The following DIABLO variants were observed in gnomAD, a reference collection of about 807,000 sequenced individuals.
DIABLO encodes the protein diablo IAP-binding mitochondrial protein, also known as diablo homolog, mitochondrial.
In DIABLO, 32 loss-of-function variants were observed where a neutral mutation model predicts 31.7. That is an observed-to-expected ratio of 1.01 (90% CI 0.76 to 1.35). The LOEUF is 1.35. DIABLO is among the 40% of genes most tolerant of loss of function. The pLI is 0.00. For missense variants in DIABLO, 316 were observed against 286.4 expected, an observed-to-expected ratio of 1.10 and a Z score of -0.75; for synonymous variants, 132 against 103.2, an observed-to-expected ratio of 1.28 and a Z score of -1.69.
chr12:122,219,712 A>T (rs1317488004), intron 2 of DIABLO, among the ~76,000 whole-genome samples: 1 of 151,594 alleles, frequency 6.6e-6, no homozygotes, highest in Non-Finnish European at 1.5e-5. Flanking sequence ...AAAAAAAAAA[A>T]ATTAGCTGGG....
intron 2 of DIABLO, chr12:122,222,608 C>T (rs564797689): frequency 6.6e-6 from 1 of 151,274 alleles, no homozygotes; most frequent in Admixed American, 6.6e-5. Flanking sequence ...GAATCTAGAG[C>T]AGTGGTCCCC....
At chr12:122,226,067 A>G (rs1399563252), upstream of DIABLO, 4 of 1,571,574 alleles carry the variant, frequency 2.5e-6, no homozygotes, top group South Asian at 3.5e-5. Context: ...CAGCTTCGTG[A>G]GCGCGGAGCG....
rs1555242362 is a variant in DIABLO at position 122,208,276 on chromosome 12, G to A, written c.*105C>T. On this transcript the variant is annotated 3_prime_UTR_variant, in exon 6 of 6. Coordinates refer to ENST00000464942, the MANE Select transcript of DIABLO (RefSeq NM_001371333.1). Reference sequence around the variant, plus strand: ...CGCCTGATTGGCCAGGGCAGGATCTGCCGCCTCTTCTCGGTGCACAGACAG... The same window carrying A: ...CGCCTGATTGGCCAGGGCAGGATCTACCGCCTCTTCTCGGTGCACAGACAG... 5.1e-6 allele frequency: 7 copies of A among 1,385,056 alleles called. No homozygotes were observed. Among genetic ancestry groups the A allele is most frequent in the Middle Eastern group, 5.0e-4 (2 of 4,032 alleles). The allele number at this position is 1,385,056 out of a possible 1,614,324, so 85.8% of individuals were successfully genotyped here.
In DIABLO at chr12:122,219,595, G is replaced by A. The variant is rs559048826; in HGVS notation, c.184-1198C>T. 3.0e-4 allele frequency among the ~76,000 whole-genome samples: 46 copies of A among 152,110 alleles called. 1 individual carries two copies. In the South Asian group the frequency reaches 6.7e-3, roughly 22 times the overall value. ...AAGTGGGCCAGGCATGGTGGCTAAC[G>A]CCTGTAATCCCAATAGTTTGGGAGG... On this transcript the variant is annotated intron_variant, in intron 2 of 5. Transcript: ENST00000464942.
upstream of DIABLO, chr12:122,226,102 CCTCG>C: frequency 2.0e-6 from 3 of 1,532,994 alleles, no homozygotes; most frequent in Non-Finnish European, 2.6e-6. Context: ...CCTGAGAGCG[CCTCG>C]CCCCATAGCC....
intron 5 of DIABLO, among the ~76,000 whole-genome samples, chr12:122,212,174 A>T (rs1593169995): frequency 6.6e-6 from 1 of 151,862 alleles, no homozygotes; most frequent in Middle Eastern, 3.4e-3. Flanking sequence ...TTCTTTTTAA[A>T]CCTTTCCTGC....
At chr12:122,215,335 T>C (rs907436425) in intron 5 of DIABLO, among the ~76,000 whole-genome samples, 18 of 152,064 alleles carry the variant, frequency 1.2e-4, no homozygotes, top group South Asian at 2.1e-4. Context: ...TCCCAGCACT[T>C]TGGGAGGCCA....
chr12:122,216,449 AAAATT>A, intron 5 of DIABLO, 34 bp downstream of exon 5: 1 of 1,564,128 alleles, frequency 6.4e-7, no homozygotes, highest in Non-Finnish European at 8.8e-7. Flanking sequence ...TCCTAGTTAA[AAAATT>A]AAAAAAAAAA....
Position 122,208,395 on chromosome 12 carries a change from G to C in DIABLO, c.706C>G (p.Leu236Val), listed in dbSNP as rs766996092. ...ERAESEQEAY[L>V]RED ...TGCTCAGGCCCTCAATCCTCACGCA[G>C]GTAGGCCTCCTGCTCCGACTCAGCC... The change falls in exon 6 of 6, where the codon CTG (leucine) becomes GTG (valine). Residue 236 changes from leucine to valine, a missense_variant. Leu to Val is a conservative substitution (Grantham distance 32). Coordinates refer to ENST00000464942, the MANE Select transcript of DIABLO (RefSeq NM_001371333.1). 6.2e-6 allele frequency: 10 copies of C among 1,612,436 alleles called. No homozygotes were observed. Among genetic ancestry groups the C allele is most frequent in the Non-Finnish European group, 3.4e-6 (4 of 1,180,014 alleles).
At chr12:122,226,462 C>T (rs1400664687), upstream of DIABLO, 1 of 697,308 alleles carries the variant, frequency 1.4e-6, no homozygotes, top group Non-Finnish European at 2.6e-6. Context: ...GTGGTCCAGC[C>T]GGCCAGCAGC....
chr12:122,225,379 C>G (rs900414315), intron 1 of DIABLO: 1 of 990,556 alleles, frequency 1.0e-6, no homozygotes, highest in Non-Finnish European at 1.2e-6. Flanking sequence ...AGAGGCAGAT[C>G]TTGTCTCAAA....
At chr12:122,212,369 G>C (rs1410465613) in intron 5 of DIABLO, among the ~76,000 whole-genome samples, 1 of 152,044 alleles carries the variant, frequency 6.6e-6, no homozygotes, top group African/African-American at 2.4e-5. Flanking sequence ...CTTCTTCATA[G>C]TTCTTCCAGA....
At chr12:122,209,255 T>C (rs1239426019) in intron 5 of DIABLO, among the ~76,000 whole-genome samples, 1 of 150,670 alleles carries the variant, frequency 6.6e-6, no homozygotes, top group Non-Finnish European at 1.5e-5. Context: ...CCCAGCTACT[T>C]GGGAGGCTGA....
intron 2 of DIABLO, among the ~76,000 whole-genome samples, chr12:122,224,202 T>A (rs1954394947): frequency 6.6e-6 from 1 of 152,220 alleles, no homozygotes; most frequent in Non-Finnish European, 1.5e-5. Flanking sequence ...TCTTACATTC[T>A]CAGTGTCTTG....
intron 2 of DIABLO, among the ~76,000 whole-genome samples, chr12:122,219,716 A>C (rs1954293075): frequency 6.6e-6 from 1 of 151,324 alleles, no homozygotes; most frequent in Non-Finnish European, 1.5e-5. Context: ...AAAAAAAATT[A>C]GCTGGGCATG....
intron 3 of DIABLO, among the ~76,000 whole-genome samples, chr12:122,217,978 G>GT (rs1555244375): frequency 3.5e-5 from 4 of 114,260 alleles, no homozygotes; most frequent in Non-Finnish European, 6.8e-5. Flanking sequence ...AGATTTTTCT[G>GT]TAAAAAAAAA....
intron 2 of DIABLO, 54 bp from the exon 3 acceptor site, chr12:122,218,451 T>C (rs1471458818): frequency 6.2e-7 from 1 of 1,612,744 alleles, no homozygotes; most frequent in Non-Finnish European, 8.5e-7. Flanking sequence ...TGAGAACTTT[T>C]TCACCAATAG....
chr12:122,219,325 T>C (rs1284095244), intron 2 of DIABLO, among the ~76,000 whole-genome samples: 2 of 152,176 alleles, frequency 1.3e-5, no homozygotes, highest in Non-Finnish European at 2.9e-5. Flanking sequence ...CAGTGTTAGA[T>C]ACTTGAGACG....
chr12:122,211,992 A>AT (rs1329052656), intron 5 of DIABLO, among the ~76,000 whole-genome samples: 4 of 143,008 alleles, frequency 2.8e-5, no homozygotes, highest in African/African-American at 1.0e-4. Context: ...AATTATTCCT[A>AT]TAATTTTTTT....
Sources: gnomAD v4.1 joint callset for allele counts (sites outside exome capture counted in the v4.1 genomes callset) on GRCh38, gnomAD v4.1.1 for gene constraint, MANE v1.5 for transcripts, NCBI Gene and HGNC (gene_info 2026-07-23, HGNC 2026-07-21) for gene names.